MBD5: variants seen among roughly 807,000 people sequenced by gnomAD.
MBD5 encodes methyl-CpG-binding domain protein 5.
Under a neutral mutation model 117.3 loss-of-function variants are expected in MBD5, and 13 were observed. That is an observed-to-expected ratio of 0.11 (90% CI 0.07 to 0.18). The LOEUF (loss-of-function observed/expected upper bound fraction) is 0.18, where lower values mean the gene tolerates loss of function less well. Ranked by LOEUF, MBD5 falls within the 10% of genes least tolerant of loss-of-function variation. The pLI is 1.00. For missense variants in MBD5, 1,879 were observed against 2,093.8 expected, an observed-to-expected ratio of 0.90 and a Z score of 2.00; for synonymous variants, 727 against 766.4, an observed-to-expected ratio of 0.95 and a Z score of 0.85.
At chr2:148,142,900 A>G (rs367735133) in intron 1 of MBD5, among the ~76,000 whole-genome samples, 5 of 152,342 alleles carry the variant, frequency 3.3e-5, no homozygotes, top group African/African-American at 1.2e-4. Flanking sequence ...TAGTAAATCC[A>G]GGAGAAATAA....
chr2:148,179,782 G>T (rs1698477892), intron 2 of MBD5, among the ~76,000 whole-genome samples: 1 of 152,164 alleles, frequency 6.6e-6, no homozygotes, highest in Admixed American at 6.5e-5. Context: ...GCCAAATGGG[G>T]ACAATGGAAG....
At chr2:148,405,627 G>A (rs1025398984) in intron 4 of MBD5, among the ~76,000 whole-genome samples, 1 of 152,138 alleles carries the variant, frequency 6.6e-6, no homozygotes, top group Non-Finnish European at 1.5e-5. Context: ...GCACATAAGC[G>A]CTAAAGGACT....
In MBD5 at chr2:148,241,852, T is replaced by G. The variant is rs548692290; in HGVS notation, c.-680+8457T>G. 2.2e-4 allele frequency among the ~76,000 whole-genome samples: 34 copies of G among 152,334 alleles called. No homozygotes were observed. The South Asian group carries it at 7.0e-3, about 32-fold the overall frequency. ...TCTCTAACATGTCTTCAAATAATTG[T>G]GTTTTGCTTATTGGCTTTAGTATTT... is the stretch of plus-strand genomic sequence containing the variant. On this transcript the variant is annotated intron_variant, in intron 3 of 13. Transcript: ENST00000642680.
At chr2:148,508,489 G>A (rs1682113375) in intron 12 of MBD5, among the ~76,000 whole-genome samples, 1 of 151,900 alleles carries the variant, frequency 6.6e-6, no homozygotes, top group Non-Finnish European at 1.5e-5. Context: ...GAGGGAAAAT[G>A]GGACCAGGAT....
chr2:148,076,833 T>C (rs1043337237), intron 1 of MBD5, among the ~76,000 whole-genome samples: 7 of 152,228 alleles, frequency 4.6e-5, no homozygotes, highest in Non-Finnish European at 7.4e-5. Context: ...ATAAAACGCA[T>C]CCATCCCTCT....
At chr2:148,302,473 A>G (rs549397825) in intron 3 of MBD5, among the ~76,000 whole-genome samples, 2 of 152,348 alleles carry the variant, frequency 1.3e-5, no homozygotes, top group South Asian at 4.1e-4. Context: ...GCTGTTATTA[A>G]TAGCTCTTGC....
At position 148,429,345 on chromosome 2, in the gene MBD5, C is replaced by T. The variant is rs1574415132; in HGVS notation, c.-556-28858C>T. 2.0e-5 allele frequency among the ~76,000 whole-genome samples: 3 copies of T among 152,136 alleles called. No individual in the cohort carries two copies. In the South Asian group the frequency reaches 6.2e-4, roughly 31 times the overall value. ...TGGTGTTCATTAACAAGTCAGGAAA[C>T]AACAGATGCTGGGGAGGATGTGGAG... On this transcript the variant is annotated intron_variant, in intron 4 of 13. Coordinates refer to ENST00000642680, the MANE Select transcript of MBD5 (RefSeq NM_001378120.1).
chr2:148,142,830 G>A (rs561223343), intron 1 of MBD5, among the ~76,000 whole-genome samples: 1 of 152,266 alleles, frequency 6.6e-6, no homozygotes, highest in South Asian at 2.1e-4. Context: ...GGTGTCGGAA[G>A]AGTATATAAA....
At chr2:148,302,973 TTATTATATA>T (rs1332842685) in intron 3 of MBD5, among the ~76,000 whole-genome samples, 1 of 148,922 alleles carries the variant, frequency 6.7e-6, no homozygotes, top group South Asian at 2.1e-4. Context: ...ATGTTATACA[TTATTATATA>T]TATTATATAT....
chr2:148,386,506 C>G (rs1293074765), intron 4 of MBD5, among the ~76,000 whole-genome samples: 1 of 151,868 alleles, frequency 6.6e-6, no homozygotes, highest in East Asian at 1.9e-4. Flanking sequence ...ATCACGAGGT[C>G]AGGAGATCGA....
chr2:148,287,449 T>C (rs1701391176), intron 3 of MBD5, among the ~76,000 whole-genome samples: 1 of 152,166 alleles, frequency 6.6e-6, no homozygotes, highest in African/African-American at 2.4e-5. Context: ...GAGTGACGGA[T>C]GTATCAGTCA....
intron 4 of MBD5, among the ~76,000 whole-genome samples, chr2:148,342,637 A>G (rs1702976857): frequency 6.6e-6 from 1 of 151,990 alleles, no homozygotes; most frequent in Non-Finnish European, 1.5e-5. Context: ...ATATATGTGT[A>G]TTATGTATAA....
In MBD5 at chr2:148,470,155, C is replaced by T; in HGVS notation, c.2212C>T (p.His738Tyr). The T allele has an allele frequency of 6.2e-7, 1 of 1,613,940 alleles. No individual in the cohort carries two copies. ...TTTGCCTTGCTCTGCTAACCAGCTGCATTTTACAGATCCCAGTATGAACTC... is the reference window on the plus strand; with the variant it reads ...TTTGCCTTGCTCTGCTAACCAGCTGTATTTTACAGATCCCAGTATGAACTC... Reference protein sequence around the residue: ...TALPCSANQLHFTDPSMNSSV... With the variant: ...TALPCSANQLYFTDPSMNSSV... The change falls in exon 8 of 14, where the codon CAT becomes TAT. Residue 738 changes from histidine to tyrosine, a missense_variant. Around this residue, in one of 4 missense-constraint regions of MBD5, gnomAD observed 1,666 missense variants for 1,792.2 expected, o/e 0.93. Coordinates refer to ENST00000642680, the MANE Select transcript of MBD5 (RefSeq NM_001378120.1).
intron 2 of MBD5, among the ~76,000 whole-genome samples, chr2:148,221,627 T>C (rs1332707628): frequency 6.6e-6 from 1 of 152,086 alleles, no homozygotes; most frequent in Non-Finnish European, 1.5e-5. Flanking sequence ...TTTTTTCCCA[T>C]AGAGTTGAGC....
intron 4 of MBD5, among the ~76,000 whole-genome samples, chr2:148,373,756 C>G (rs927974212): frequency 6.6e-6 from 1 of 152,114 alleles, no homozygotes; most frequent in African/African-American, 2.4e-5. Flanking sequence ...TCTCAGTGAT[C>G]AGGTGACTAC....
At chr2:148,038,698 C>T in intron 1 of MBD5, among the ~76,000 whole-genome samples, 1 of 151,748 alleles carries the variant, frequency 6.6e-6, no homozygotes, top group East Asian at 1.9e-4. Context: ...CATATCCCAT[C>T]AATCACATGT....
intron 3 of MBD5, among the ~76,000 whole-genome samples, chr2:148,326,174 A>C (rs1702444399): frequency 6.6e-6 from 1 of 152,120 alleles, no homozygotes; most frequent in African/African-American, 2.4e-5. Context: ...CCTGAGTTCT[A>C]GTTTGATTGC....
rs1431390109 is a variant in MBD5 at position 148,021,447 on chromosome 2, C to A, written c.-1162C>A. ...ACCAAAAGCCTCTTAGCAACACAGA[C>A]CCTTTGCTGCTGCTGTTGCTGCTGC... On this transcript the variant is annotated 5_prime_UTR_variant, in exon 1 of 14. Coordinates refer to ENST00000642680, the MANE Select transcript of MBD5 (RefSeq NM_001378120.1). 1.4e-5 allele frequency: 8 copies of A among 568,404 alleles called. No homozygotes were observed. Among genetic ancestry groups the A allele is most frequent in the Non-Finnish European group, 2.4e-5 (7 of 295,268 alleles). The allele number at this position is 568,404 out of a possible 1,614,324, so 35.2% of individuals were successfully genotyped here.
chr2:148,209,665 C>T (rs1430322266), intron 2 of MBD5, among the ~76,000 whole-genome samples: 1 of 151,968 alleles, frequency 6.6e-6, no homozygotes, highest in Non-Finnish European at 1.5e-5. Flanking sequence ...TTAATTGGCT[C>T]ACAGTTCTGC....
Sources: allele counts gnomAD v4.1 joint callset (sites outside exome capture counted in the v4.1 genomes callset), GRCh38; gene constraint gnomAD v4.1.1; regional missense constraint gnomAD v4.1.1; transcripts MANE v1.5; gene names NCBI Gene and HGNC (gene_info 2026-07-23, HGNC 2026-07-21).